The following NRG1 variants were observed in gnomAD, a reference collection of about 807,000 sequenced individuals.
The protein encoded by NRG1 is pro-neuregulin-1, membrane-bound isoform.
NRG1 carries 18 observed loss-of-function variants against 63.8 expected under a neutral mutation model. The ratio of observed to expected loss-of-function variants is 0.28; its 90% CI spans 0.19 to 0.42. The LOEUF (loss-of-function observed/expected upper bound fraction) is 0.42, where lower values mean the gene tolerates loss of function less well. NRG1 is among the 10% of genes least tolerant of loss of function. NRG1 has a pLI of 1.00. For missense variants in NRG1, 762 were observed against 814.7 expected, an observed-to-expected ratio of 0.94 and a Z score of 0.79; for synonymous variants, 302 against 301.3, an observed-to-expected ratio of 1.00 and a Z score of -0.02.
intron 1 of NRG1, chr8:31,639,446 G>T (rs1443317797): frequency 2.0e-6 from 3 of 1,534,428 alleles, no homozygotes; most frequent in Middle Eastern, 3.3e-4. Flanking sequence ...ACAGGCTGGC[G>T]AGGCGCAGGA....
In NRG1 at chr8:31,842,317, T is replaced by G. The variant is rs117801856; in HGVS notation, c.37+202886T>G. Among the ~76,000 whole-genome samples, 65 of 152,346 alleles carry G rather than the reference T, an allele frequency of 4.3e-4. No individual in the cohort carries two copies. In the East Asian group the frequency reaches 0.012, roughly 27 times the overall value. On this transcript the variant is annotated intron_variant, in intron 1 of 10. Coordinates refer to the NRG1 transcript ENST00000519301. The stretch of plus-strand genomic sequence containing the variant: ...TGTGTCATATCTGATTTATGTACAT[T>G]TTCTGTAGACAAGCTTGTTTTAGGT...
chr8:32,167,839 A>G (rs1839563425), intron 1 of NRG1, among the ~76,000 whole-genome samples: 1 of 152,214 alleles, frequency 6.6e-6, no homozygotes, highest in South Asian at 2.1e-4. Context: ...CAAACCACCA[A>G]TGATAAGCAT....
chr8:31,993,530 A>G (rs988123111), intron 1 of NRG1, among the ~76,000 whole-genome samples: 1 of 151,970 alleles, frequency 6.6e-6, no homozygotes, highest in Non-Finnish European at 1.5e-5. Context: ...ATGGTTTTAT[A>G]AAAGGCAGTT....
intron 1 of NRG1, among the ~76,000 whole-genome samples, chr8:32,119,058 T>C (rs372332075): frequency 2.6e-5 from 4 of 152,222 alleles, no homozygotes; most frequent in African/African-American, 9.6e-5. Flanking sequence ...TTGCTCAATA[T>C]GACATGGCCA....
chr8:31,691,477 C>T (rs963312834), intron 1 of NRG1, among the ~76,000 whole-genome samples: 25 of 151,468 alleles, frequency 1.7e-4, no homozygotes, highest in Non-Finnish European at 3.1e-4. Flanking sequence ...CAACTGTAGT[C>T]CCAGCTACTC....
chr8:32,630,568 T>C (rs1052133445), intron 5 of NRG1, among the ~76,000 whole-genome samples: 4 of 152,220 alleles, frequency 2.6e-5, no homozygotes, highest in African/African-American at 9.6e-5. Flanking sequence ...ACTTCATGTT[T>C]GAAGTTGATG....
At chr8:32,606,995 C>T (rs1248660243) in intron 3 of NRG1, among the ~76,000 whole-genome samples, 1 of 152,132 alleles carries the variant, frequency 6.6e-6, no homozygotes, top group Non-Finnish European at 1.5e-5. Context: ...TCTCAAGGAT[C>T]TGCTCCATCA....
At chr8:32,677,840 G>T (rs138363113) in intron 5 of NRG1, among the ~76,000 whole-genome samples, 1 of 151,896 alleles carries the variant, frequency 6.6e-6, no homozygotes, top group Admixed American at 6.6e-5. Flanking sequence ...CCCACAAATC[G>T]CACTTATAAA....
At chr8:32,335,225 C>G (rs1803116571) in intron 1 of NRG1, among the ~76,000 whole-genome samples, 1 of 152,158 alleles carries the variant, frequency 6.6e-6, no homozygotes, top group African/African-American at 2.4e-5. Flanking sequence ...ACAATTACAA[C>G]TTGATTCTTG....
chr8:32,678,962 G>A (rs150911159), intron 5 of NRG1, among the ~76,000 whole-genome samples: 521 of 152,048 alleles, frequency 3.4e-3, no homozygotes, highest in Non-Finnish European at 5.7e-3. Flanking sequence ...TGGGTAGGAT[G>A]TAAGTTGAAA....
Position 31,977,124 on chromosome 8 carries a change from G to A in NRG1, c.37+337693G>A, listed in dbSNP as rs182775670. Among the ~76,000 whole-genome samples, 533 of 152,198 alleles carry A rather than the reference G, an allele frequency of 3.5e-3. 2 individuals are homozygous for A. Among genetic ancestry groups the A allele is most frequent in the South Asian group, 0.022 (104 of 4,826 alleles). On this transcript the variant is annotated intron_variant, in intron 1 of 10. Transcript: ENST00000519301. ...AATGTAATTTCCTCGTTGTCATTCC[G>A]CAAACCATCTATGTTCAAATATTTT...
At chr8:32,115,673 G>T (rs1426561843) in intron 1 of NRG1, among the ~76,000 whole-genome samples, 1 of 152,076 alleles carries the variant, frequency 6.6e-6, no homozygotes, top group Non-Finnish European at 1.5e-5. Context: ...ACTTTATGTT[G>T]TCCGGGATGC....
intron 1 of NRG1, among the ~76,000 whole-genome samples, chr8:32,033,548 A>G (rs935279606): frequency 2.0e-5 from 3 of 151,956 alleles, no homozygotes; most frequent in Admixed American, 6.5e-5. Context: ...TGTTATGGCT[A>G]TTTTCACAGT....
At chr8:32,165,259 C>T (rs1427996479) in intron 1 of NRG1, among the ~76,000 whole-genome samples, 1 of 151,968 alleles carries the variant, frequency 6.6e-6, no homozygotes, top group African/African-American at 2.4e-5. Context: ...CTACCTCAGC[C>T]TTCTGAGTAA....
chr8:32,443,560 G>C (rs1819832082), intron 1 of NRG1, among the ~76,000 whole-genome samples: 1 of 152,176 alleles, frequency 6.6e-6, no homozygotes, highest in Non-Finnish European at 1.5e-5. Flanking sequence ...CATGGTTCCA[G>C]ATGTCTGGGG....
At chr8:32,033,481 G>C (rs1818589908) in intron 1 of NRG1, among the ~76,000 whole-genome samples, 2 of 152,108 alleles carry the variant, frequency 1.3e-5, no homozygotes, top group Non-Finnish European at 2.9e-5. Context: ...CTAATTCTAT[G>C]AAGAATGTCA....
chr8:32,700,948 T>G (rs1022617058), intron 5 of NRG1, among the ~76,000 whole-genome samples: 1 of 152,116 alleles, frequency 6.6e-6, no homozygotes, highest in Non-Finnish European at 1.5e-5. Flanking sequence ...CCTCTGGGTC[T>G]TCAAGCAAGG....
intron 1 of NRG1, among the ~76,000 whole-genome samples, chr8:32,465,839 G>T: frequency 6.6e-6 from 1 of 151,982 alleles, no homozygotes; most frequent in East Asian, 1.9e-4. Flanking sequence ...ATCATGGAGA[G>T]AAATACTTCA....
intron 1 of NRG1, among the ~76,000 whole-genome samples, chr8:32,067,674 ACT>A (rs1439817105): frequency 6.6e-6 from 1 of 151,904 alleles, no homozygotes; most frequent in African/African-American, 2.4e-5. Flanking sequence ...CTTTTGGAAG[ACT>A]CTTTACACAG....
Sources: allele counts gnomAD v4.1 joint callset (sites outside exome capture counted in the v4.1 genomes callset), GRCh38; gene constraint gnomAD v4.1.1; transcripts MANE v1.5; gene names NCBI Gene and HGNC (gene_info 2026-07-23, HGNC 2026-07-21).